CDC6: variants seen among roughly 807,000 people sequenced by gnomAD.
CDC6 encodes the protein DNA replication factor CDC6.
CDC6 carries 46 observed loss-of-function variants against 60.2 expected under a neutral mutation model. The ratio of observed to expected loss-of-function variants is 0.76; its 90% CI spans 0.60 to 0.98. The LOEUF is 0.98. CDC6 is among the 50% of genes least tolerant of loss of function. The pLI is 0.00. For synonymous variants in CDC6, 210 were observed against 233.2 expected, an observed-to-expected ratio of 0.90 and a Z score of 0.90; for missense variants, 596 against 652.9, an observed-to-expected ratio of 0.91 and a Z score of 0.95.
In CDC6 at chr17:40,291,144, C is replaced by G; in HGVS notation, c.265C>G (p.His89Asp). Residue 89 changes from histidine (H) to aspartate (D), a missense_variant, in exon 3 of 12, where the codon CAT (histidine) becomes GAT (aspartate). Transcript: ENST00000209728. ...GAAAGAGAATGGTCCCCCTCACTCA[C>G]ATACACTTAAGGGACGAAGATTGGT... is the stretch of plus-strand genomic sequence containing the variant. ...GKKENGPPHS[H>D]TLKGRRLVFD... 1 of 1,614,150 alleles carries G rather than the reference C, an allele frequency of 6.2e-7. No homozygotes were observed. The highest frequency in any genetic ancestry group is 1.3e-5 in the African/African-American group (1 of 75,062).
At position 40,302,473 on chromosome 17, in the gene CDC6, G is replaced by A. The variant is rs1417417482; in HGVS notation, c.*472G>A. 6.2e-6 allele frequency: 1 copy of A among 160,098 alleles called. No homozygotes were observed. The highest frequency in any genetic ancestry group is 2.4e-5 in the African/African-American group (1 of 41,454). 9.9% of individuals were successfully genotyped at this position (160,098 alleles called of 1,614,324 possible). A position where few individuals can be genotyped will look rare whatever the true frequency, so the allele number is the denominator to read the frequency against. ...AGGTTGAAGTGATTCTCTTGCCTCA[G>A]CCTCCCGAGTAGCTGGGATTACAGG... On this transcript the variant is annotated 3_prime_UTR_variant, in exon 12 of 12. Coordinates refer to ENST00000209728, the MANE Select transcript of CDC6 (RefSeq NM_001254.4).
rs1296117358 is a variant in CDC6, at chr17:40,289,561, T to G, written c.141T>G (p.Arg47=). 2.5e-6 allele frequency: 4 copies of G among 1,614,112 alleles called. No individual in the cohort carries two copies. Among genetic ancestry groups the G allele is most frequent in the Non-Finnish European group, 3.4e-6 (4 of 1,180,000 alleles). ...TCCAAACCGTAACCTGTTCTCCTCG[T>G]GTAAAAGCCCTGCCTCTCAGCCCCA... ...TNVQTVTCSP[R]VKALPLSPRK... is the part of the protein sequence containing the mutation. Residue 47 remains arginine, a synonymous_variant, in exon 2 of 12, where the codon CGT becomes CGG. Transcript: ENST00000209728.
chr17:40,298,746 CTT>C (rs2032895292), intron 9 of CDC6, among the ~76,000 whole-genome samples: 2 of 152,114 alleles, frequency 1.3e-5, no homozygotes, highest in South Asian at 2.1e-4. Context: ...GGGAGAATGA[CTT>C]TAACTAAATA....
rs1319641702 is a variant in CDC6 at position 40,291,677 on chromosome 17, A to C, written c.660+9A>C. On this transcript the variant is annotated intron_variant, in intron 4 of 11. Coordinates refer to ENST00000209728, the MANE Select transcript of CDC6 (RefSeq NM_001254.4). ...TTCTGCAAGACCTCAAGGTACATTGAGAGTCTGAATTATGATACTCTTGGT... is the reference window on the plus strand; with the variant it reads ...TTCTGCAAGACCTCAAGGTACATTGCGAGTCTGAATTATGATACTCTTGGT... 6.2e-7 allele frequency: 1 copy of C among 1,610,506 alleles called. No homozygotes were observed. The highest frequency in any genetic ancestry group is 8.5e-7 in the Non-Finnish European group (1 of 1,176,724).
intron 1 of CDC6, chr17:40,289,067 C>T (rs148294872): frequency 3.4e-4 from 107 of 317,808 alleles, no homozygotes; most frequent in Admixed American, 1.6e-3. Context: ...ACCAGATGCC[C>T]GGGGTTACAT....
rs1429903364 is a variant in CDC6 at position 40,289,545 on chromosome 17, T to A, written c.125T>A (p.Val42Glu). ...CTAGAACCAACAAATGTCCAAACCGTAACCTGTTCTCCTCGTGTAAAAGCC... is the reference window on the plus strand; with the variant it reads ...CTAGAACCAACAAATGTCCAAACCGAAACCTGTTCTCCTCGTGTAAAAGCC... The part of the protein sequence containing the change: ...AKLEPTNVQT[V>E]TCSPRVKALP... Residue 42 changes from valine (V) to glutamate (E), a missense_variant, in exon 2 of 12, where the codon GTA (valine) becomes GAA (glutamate). Physicochemically the swap from Val to Glu is moderately radical, Grantham distance 121. Coordinates refer to ENST00000209728, the MANE Select transcript of CDC6 (RefSeq NM_001254.4). 1.2e-6 allele frequency: 2 copies of A among 1,614,030 alleles called. No individual in the cohort carries two copies. The highest frequency in any genetic ancestry group is 4.5e-5 in the East Asian group (2 of 44,870).
In CDC6 at chr17:40,301,985, C is replaced by T. The variant is rs752200069; in HGVS notation, c.1667C>T (p.Ala556Val). The change falls in exon 12 of 12, where the codon GCT (alanine) becomes GTT (valine). Residue 556 changes from alanine to valine, a missense_variant. Ala to Val is a moderately conservative substitution (Grantham distance 64). Transcript: ENST00000209728. Reference protein sequence around the residue: ...KDKALIGNILATGLP With the variant: ...KDKALIGNILVTGLP ...AAAGCTTTAATTGGAAATATCTTAG[C>T]TACTGGATTGCCTTAAATTCTTCTC... is the stretch of plus-strand genomic sequence containing the variant. The T allele has an allele frequency of 1.9e-6, 3 of 1,582,358 alleles. No homozygotes were observed. Among genetic ancestry groups the T allele is most frequent in the East Asian group, 4.5e-5 (2 of 44,734 alleles).
chr17:40,301,018 C>A lies in CDC6; in HGVS notation c.1440C>A (p.Val480=). ...TCAGGCAGTTGAAAATCAAAGAGGT[C>A]ACTCTGGGGAAGGTAAGTTGGGATG... is the stretch of plus-strand genomic sequence containing the variant. ...LLIRQLKIKE[V]TLGKLYEAYS... Residue 480 remains valine (V), a synonymous_variant, in exon 10 of 12, where the codon GTC becomes GTA. Coordinates refer to ENST00000209728, the MANE Select transcript of CDC6 (RefSeq NM_001254.4). 6.2e-7 allele frequency: 1 copy of A among 1,611,882 alleles called. No homozygotes were observed. Among genetic ancestry groups the A allele is most frequent in the South Asian group, 1.1e-5 (1 of 91,022 alleles).
At position 40,293,991 on chromosome 17, in the gene CDC6, G is replaced by A. The variant is rs775505043; in HGVS notation, c.878G>A (p.Gly293Asp). Residue 293 changes from glycine (G) to aspartate (D), a missense_variant, in exon 6 of 12, where the codon GGC becomes GAC. By Grantham distance (94) the Gly-to-Asp change is moderately conservative (BLOSUM62 -1). Coordinates refer to ENST00000209728, the MANE Select transcript of CDC6 (RefSeq NM_001254.4). ...LDEMDQLDSK[G>D]QDVLYTLFEW... ...GAGATGGATCAACTGGACAGCAAAG[G>A]CCAGGATGTATTGTACACGCTATTT... is the stretch of plus-strand genomic sequence containing the variant. 5.6e-6 allele frequency: 9 copies of A among 1,613,996 alleles called. No homozygotes were observed. The East Asian group carries it at 6.7e-5, about 12-fold the overall frequency.
At chr17:40,289,875 A>ATTT (rs5820342) in intron 2 of CDC6, among the ~76,000 whole-genome samples, 1 of 117,620 alleles carries the variant, frequency 8.5e-6, no homozygotes, top group Non-Finnish European at 1.8e-5. Context: ...AGCCTGGCTA[A>ATTT]TTTTTTTTTT....
chr17:40,293,979 T>C lies in CDC6; in HGVS notation c.866T>C (p.Leu289Pro), dbSNP rs1416767882. The C allele has an allele frequency of 1.2e-6, 2 of 1,613,956 alleles. No individual in the cohort carries two copies. Among genetic ancestry groups the C allele is most frequent in the African/African-American group, 2.7e-5 (2 of 74,940 alleles). The part of the protein sequence containing the change: ...IVLVLDEMDQ[L>P]DSKGQDVLYT... ...TTGGTATTGGACGAGATGGATCAAC[T>C]GGACAGCAAAGGCCAGGATGTATTG... Residue 289 changes from leucine to proline, a missense_variant, in exon 6 of 12, where the codon CTG becomes CCG. Coordinates refer to ENST00000209728, the MANE Select transcript of CDC6 (RefSeq NM_001254.4).
Position 40,300,943 on chromosome 17 carries a change from T to G in CDC6, c.1365T>G (p.Asp455Glu). The G allele has an allele frequency of 6.2e-7, 1 of 1,613,848 alleles. No homozygotes were observed. Among genetic ancestry groups the G allele is most frequent in the Non-Finnish European group, 8.5e-7 (1 of 1,179,704 alleles). Residue 455 changes from aspartate (D) to glutamate (E), a missense_variant, in exon 10 of 12, where the codon GAT becomes GAG. By Grantham distance (45) the Asp-to-Glu change is conservative. Coordinates refer to ENST00000209728, the MANE Select transcript of CDC6 (RefSeq NM_001254.4). Reference sequence around the variant, plus strand: ...CCTTGAGCCAAGAAGGAGCACAAGATTCCTTCCCTCTTCAGCAGAAGATCT... The same window carrying G: ...CCTTGAGCCAAGAAGGAGCACAAGAGTCCTTCCCTCTTCAGCAGAAGATCT... Reference protein sequence around the residue: ...RMTLSQEGAQDSFPLQQKILV... With the variant: ...RMTLSQEGAQESFPLQQKILV...
At chr17:40,299,966 CCTTT>C (rs751211022) in intron 9 of CDC6, among the ~76,000 whole-genome samples, 5 of 151,774 alleles carry the variant, frequency 3.3e-5, no homozygotes, top group Non-Finnish European at 7.4e-5. Flanking sequence ...CTTTTTTTTC[CCTTT>C]CTTTTTTTTT....
At chr17:40,290,769 T>C (rs941708016) in intron 2 of CDC6, among the ~76,000 whole-genome samples, 1 of 152,208 alleles carries the variant, frequency 6.6e-6, no homozygotes, top group Admixed American at 6.5e-5. Context: ...GATTTCATCA[T>C]GGCACTCCAC....
chr17:40,301,259 C>G (rs374447838), intron 10 of CDC6, among the ~76,000 whole-genome samples: 19 of 152,294 alleles, frequency 1.2e-4, no homozygotes, highest in Middle Eastern at 3.4e-3. Context: ...CTGCATCTCT[C>G]TAGGAAATAT....
At chr17:40,301,870 G>C in intron 11 of CDC6, 42 bp from the exon 12 acceptor site, 1 of 1,320,204 alleles carries the variant, frequency 7.6e-7, no homozygotes, top group Non-Finnish European at 1.1e-6. Flanking sequence ...CTTTGCTTTT[G>C]TGAGTTCCCC....
At position 40,295,256 on chromosome 17, in the gene CDC6, C is replaced by A; in HGVS notation, c.1084-100C>A. 3.6e-6 allele frequency: 3 copies of A among 839,010 alleles called. No individual in the cohort carries two copies. The Admixed American group carries it at 5.2e-5, about 14-fold the overall frequency. 52.0% of individuals were successfully genotyped at this position (839,010 alleles called of 1,614,324 possible). A position where few individuals can be genotyped will look rare whatever the true frequency, so the allele number is the denominator to read the frequency against. On this transcript the variant is annotated intron_variant, in intron 7 of 11. Coordinates refer to ENST00000209728, the MANE Select transcript of CDC6 (RefSeq NM_001254.4). ...TTTTTAACCCTAAAGAGTTGCCAAT[C>A]AAGTTTAGGGTTAAATGTGAAAATA... is the stretch of plus-strand genomic sequence containing the variant.
At chr17:40,289,693 G>C in intron 2 of CDC6, 95 bp downstream of exon 2, 1 of 534,820 alleles carries the variant, frequency 1.9e-6, no homozygotes, top group South Asian at 1.7e-5. Context: ...TCTAAGTTCA[G>C]TTAAGACTTC....
rs1314826623 is a variant in CDC6, at chr17:40,291,062, T to G, written c.183T>G (p.Asp61Glu). 1 of 1,614,184 alleles carries G rather than the reference T, an allele frequency of 6.2e-7. No homozygotes were observed. The highest frequency in any genetic ancestry group is 1.7e-5 in the Admixed American group (1 of 60,018). The change falls in exon 3 of 12, where the codon GAT becomes GAG. Residue 61 changes from aspartate to glutamate, a missense_variant. Asp to Glu is a conservative substitution (Grantham distance 45). Transcript: ENST00000209728. ...TTTTATTTTATTGTGTTTCAGGCGA[T>G]GACAACCTATGCAACACTCCCCATT... ...LPLSPRKRLGDDNLCNTPHLP... is the reference protein window; with the variant it reads ...LPLSPRKRLGEDNLCNTPHLP...
Sources: gnomAD v4.1 joint callset for allele counts (sites outside exome capture counted in the v4.1 genomes callset) on GRCh38, gnomAD v4.1.1 for gene constraint, MANE v1.5 for transcripts, NCBI Gene and HGNC (gene_info 2026-07-23, HGNC 2026-07-21) for gene names.